The following GMCL1 variants were observed in gnomAD, a reference collection of about 807,000 sequenced individuals.
The protein encoded by GMCL1 is germ cell-less 1, spermatogenesis associated.
GMCL1 carries 54 observed loss-of-function variants against 75.5 expected under a neutral mutation model. The observed-to-expected ratio is 0.71, with a 90% CI of 0.57 to 0.90. GMCL1 has a LOEUF of 0.90. Among genes scored for constraint, GMCL1 ranks in the 40% least tolerant of loss-of-function variants. The probability of loss-of-function intolerance (pLI) is 0.00; values close to 1 mark genes in which losing one functional copy is unlikely to be tolerated. For missense variants in GMCL1, 537 were observed against 622.7 expected, an observed-to-expected ratio of 0.86 and a Z score of 1.47; for synonymous variants, 210 against 209.6, an observed-to-expected ratio of 1.00 and a Z score of -0.02.
At chr2:69,831,948 C>T (rs149975509) in intron 1 of GMCL1, among the ~76,000 whole-genome samples, 295 of 152,292 alleles carry the variant, frequency 1.9e-3, no homozygotes, top group African/African-American at 6.2e-3. Context: ...TGGCCAGGTG[C>T]AGTGGCTCAT....
chr2:69,851,122 G>A (rs761935175), intron 8 of GMCL1, among the ~76,000 whole-genome samples: 4 of 152,134 alleles, frequency 2.6e-5, no homozygotes, highest in Non-Finnish European at 4.4e-5. Context: ...CAGTTTGTAG[G>A]TTATCTTTTT....
Position 69,847,593 on chromosome 2 carries a change from A to C in GMCL1, c.809A>C (p.Gln270Pro), listed in dbSNP as rs1326247309. The C allele has an allele frequency of 6.2e-7, 1 of 1,610,442 alleles. No individual in the cohort carries two copies. Among genetic ancestry groups the C allele is most frequent in the African/African-American group, 1.3e-5 (1 of 74,852 alleles). The change falls in exon 7 of 14, where the codon CAA becomes CCA. Residue 270 changes from glutamine (Q) to proline (P), a missense_variant. By Grantham distance (76) the Gln-to-Pro change is moderately conservative. Transcript: ENST00000282570. ...LIGSSNLFVM[Q>P]VEMDIYTALK... ...GGTTCATCTAACTTATTTGTGATGC[A>C]AGTGGAGATGGATATATACACTGCT...
chr2:69,869,044 G>A (rs1675903773), intron 11 of GMCL1, among the ~76,000 whole-genome samples: 4 of 151,960 alleles, frequency 2.6e-5, no homozygotes, highest in Admixed American at 2.0e-4. Flanking sequence ...CCTGAGGTCG[G>A]GAGTTCGAGA....
chr2:69,843,232 G>T lies in GMCL1; in HGVS notation c.663G>T (p.Gly221=). 1.9e-6 allele frequency: 3 copies of T among 1,602,930 alleles called. No homozygotes were observed. The highest frequency in any genetic ancestry group is 1.7e-4 in the Middle Eastern group (1 of 6,038). ...TATGTGGCTATTACACATCAGCAGGGACCTATGGATTAGATTCTGTAAAGA... is the reference window on the plus strand; with the variant it reads ...TATGTGGCTATTACACATCAGCAGGTACCTATGGATTAGATTCTGTAAAGA... ...KTVCGYYTSA[G]TYGLDSVKKK... The change falls in exon 5 of 14, where the codon GGG becomes GGT. Residue 221 remains glycine (G), a synonymous_variant. Coordinates refer to ENST00000282570, the MANE Select transcript of GMCL1 (RefSeq NM_178439.5).
intron 8 of GMCL1, among the ~76,000 whole-genome samples, chr2:69,853,613 T>C (rs1675381938): frequency 6.6e-6 from 1 of 152,132 alleles, no homozygotes; most frequent in South Asian, 2.1e-4. Flanking sequence ...CTCTCCTGGG[T>C]ATATGTCGTT....
At chr2:69,864,590 C>CT (rs534389389) in intron 10 of GMCL1, among the ~76,000 whole-genome samples, 1,620 of 88,282 alleles carry the variant, frequency 0.018, 24 homozygotes, top group South Asian at 0.088. Context: ...TAGACTTTTA[C>CT]TTTTTTTTTT....
chr2:69,845,116 A>G (rs974886855), intron 6 of GMCL1, among the ~76,000 whole-genome samples: 4 of 152,080 alleles, frequency 2.6e-5, no homozygotes, highest in Non-Finnish European at 5.9e-5. Flanking sequence ...GAAAATATCA[A>G]TCTTCCTTTA....
At position 69,878,938 on chromosome 2, in the gene GMCL1, G is replaced by T. The variant is rs1326741612; in HGVS notation, c.1482G>T (p.Arg494Ser). 1 of 1,610,146 alleles carries T rather than the reference G, an allele frequency of 6.2e-7. No individual in the cohort carries two copies. ...AAGTGGTGATGAACTTGGACAGCAG[G>T]CTTCTGATCTTCCCTTTATATATCT... ...QEQVVMNLDS[R>S]LLIFPLYICC... The change falls in exon 14 of 14, where the codon AGG (arginine) becomes AGT (serine). Residue 494 changes from arginine (R) to serine (S), a missense_variant. Physicochemically the swap from Arg to Ser is moderately radical, Grantham distance 110. Coordinates refer to ENST00000282570, the MANE Select transcript of GMCL1 (RefSeq NM_178439.5).
At chr2:69,872,589 T>A (rs753150173) in intron 13 of GMCL1, among the ~76,000 whole-genome samples, 28 of 152,184 alleles carry the variant, frequency 1.8e-4, no homozygotes, top group Non-Finnish European at 3.8e-4. Flanking sequence ...CCGGAAGTGA[T>A]CATTGTAACC....
chr2:69,870,410 G>A (rs1054535090), intron 12 of GMCL1, among the ~76,000 whole-genome samples: 2 of 151,980 alleles, frequency 1.3e-5, no homozygotes, highest in African/African-American at 4.8e-5. Context: ...TGAAACTCTT[G>A]GAAGAAAACA....
At chr2:69,856,640 C>CTTTTT (rs34707640) in intron 9 of GMCL1, among the ~76,000 whole-genome samples, 1 of 89,858 alleles carries the variant, frequency 1.1e-5, no homozygotes, top group African/African-American at 4.0e-5. Context: ...CTCTTCCCTC[C>CTTTTT]TTTTTTTTTT....
intron 13 of GMCL1, among the ~76,000 whole-genome samples, chr2:69,878,081 G>C (rs1054636644): frequency 3.3e-5 from 5 of 152,186 alleles, no homozygotes; most frequent in African/African-American, 1.2e-4. Flanking sequence ...TCCAAACAGA[G>C]ATCTGTAGCA....
intron 13 of GMCL1, 91 bp from the exon 14 acceptor site, chr2:69,878,818 C>T: frequency 1.2e-6 from 1 of 847,830 alleles, no homozygotes; most frequent in South Asian, 1.4e-5. Flanking sequence ...AGACTCAGGA[C>T]ACTATCTCCT....
chr2:69,869,752 T>C lies in GMCL1; in HGVS notation c.1252T>C (p.Phe418Leu). ...CWRWTGFNFG[F>L]DLLVTYTNRY... ...GCGTTGGACAGGTTTTAACTTCGGC[T>C]TCGACCTACTTGTAACTTACACCAA... The change falls in exon 12 of 14, where the codon TTC becomes CTC. Residue 418 changes from phenylalanine (F) to leucine (L), a missense_variant. By Grantham distance (22) the Phe-to-Leu change is conservative. Around this residue, in one of 3 missense-constraint regions of GMCL1, gnomAD observed 345 missense variants for 410.5 expected, o/e 0.84. Coordinates refer to ENST00000282570, the MANE Select transcript of GMCL1 (RefSeq NM_178439.5). 1.2e-6 allele frequency: 2 copies of C among 1,614,060 alleles called. No homozygotes were observed. The highest frequency in any genetic ancestry group is 1.7e-6 in the Non-Finnish European group (2 of 1,179,992).
intron 11 of GMCL1, among the ~76,000 whole-genome samples, chr2:69,868,323 G>T (rs1355281149): frequency 1.3e-5 from 2 of 152,060 alleles, no homozygotes; most frequent in Non-Finnish European, 2.9e-5. Context: ...CCATTGCTTA[G>T]AGGAGTGCCT....
Position 69,840,998 on chromosome 2 carries a change from C to A in GMCL1, c.538C>A (p.Arg180=), listed in dbSNP as rs760574106. ...YRDDVLIKPS[R]VVAILAAACL... is the part of the protein sequence containing the mutation. ...AGATGATGTCTTGATAAAGCCCAGT[C>A]GAGTTGTTGCCATTTTGGCAGCAGC... The change falls in exon 4 of 14, where the codon CGA becomes AGA. Residue 180 remains arginine (R), a synonymous_variant. Transcript: ENST00000282570. The A allele has an allele frequency of 6.2e-7, 1 of 1,613,884 alleles. No homozygotes were observed. The highest frequency in any genetic ancestry group is 8.5e-7 in the Non-Finnish European group (1 of 1,179,894).
chr2:69,840,175 A>G (rs4853056), intron 3 of GMCL1: 24,187 of 152,202 alleles, frequency 0.16, 5,210 homozygotes, highest in African/African-American at 0.47. Flanking sequence ...TTGGGAGGCC[A>G]AGGTGGGTGG....
At chr2:69,853,390 A>G (rs1309836293) in intron 8 of GMCL1, among the ~76,000 whole-genome samples, 1 of 152,210 alleles carries the variant, frequency 6.6e-6, no homozygotes, top group African/African-American at 2.4e-5. Flanking sequence ...CCAAGGGAAT[A>G]CAAAAAATAT....
intron 2 of GMCL1, 148 bp downstream of exon 2, chr2:69,837,818 C>T: frequency 1.1e-6 from 1 of 937,330 alleles, no homozygotes; most frequent in Non-Finnish European, 1.5e-6. Flanking sequence ...AAATGGCAAA[C>T]ATTGTTAGTG....
Sources: gnomAD v4.1 joint callset for allele counts (sites outside exome capture counted in the v4.1 genomes callset) on GRCh38, gnomAD v4.1.1 for gene constraint, gnomAD v4.1.1 regional missense constraint, MANE v1.5 for transcripts, NCBI Gene and HGNC (gene_info 2026-07-23, HGNC 2026-07-21) for gene names.